Variants in MEGF9 observed in about 807,000 individuals in gnomAD.
The protein encoded by MEGF9 is multiple EGF like domains 9, also known as multiple epidermal growth factor-like domains protein 9.
A neutral mutation model predicts 46.8 loss-of-function variants in MEGF9; 6 were observed. The ratio of observed to expected loss-of-function variants is 0.13; its 90% confidence interval spans 0.07 to 0.25. The LOEUF (loss-of-function observed/expected upper bound fraction) is 0.25, where lower values mean the gene tolerates loss of function less well. Ranked by LOEUF, MEGF9 falls within the 10% of genes least tolerant of loss-of-function variation. MEGF9 has a pLI of 1.00. For missense variants in MEGF9, 683 were observed against 792.4 expected, an observed-to-expected ratio of 0.86 and a Z score of 1.66; for synonymous variants, 302 against 330.7, an observed-to-expected ratio of 0.91 and a Z score of 0.94.
Position 120,713,774 on chromosome 9 carries a change from G to T in MEGF9, c.585C>A (p.Pro195=). The T allele has an allele frequency of 7.7e-7, 1 of 1,293,684 alleles. No individual in the cohort carries two copies. The highest frequency in any genetic ancestry group is 3.1e-5 in the South Asian group (1 of 32,112). 80.1% of individuals were successfully genotyped at this position (1,293,684 alleles called of 1,614,324 possible). Reference sequence around the variant, plus strand: ...CGGACTCACCTGGAGGAGGCGAAGAGGGGGCCTCGGTGGCAGGTGGGGTGG... The same window carrying T: ...CGGACTCACCTGGAGGAGGCGAAGATGGGGCCTCGGTGGCAGGTGGGGTGG... The part of the protein sequence containing the change: ...VLPTPPATEA[P]SSPPPEYVCN... Residue 195 remains proline (P), a synonymous_variant, in exon 1 of 6, where the codon CCC becomes CCA. Coordinates refer to ENST00000373930, the MANE Select transcript of MEGF9 (RefSeq NM_001080497.3).
Position 120,603,879 on chromosome 9 carries a change from T to G in MEGF9, c.*1311A>C, listed in dbSNP as rs1437106161. 6.6e-6 allele frequency: 1 copy of G among 152,566 alleles called. No homozygotes were observed. The highest frequency in any genetic ancestry group is 1.9e-4 in the East Asian group (1 of 5,198). 9.5% of individuals were successfully genotyped at this position (152,566 alleles called of 1,614,324 possible). On this transcript the variant is annotated 3_prime_UTR_variant, in exon 6 of 6. Transcript: ENST00000373930. ...ACAGGCTATGTTCACATGTAGGAGA[T>G]TTTTTATTTGGGGTGAGGGAGGATT...
chr9:120,644,639 C>G (rs1168900926), intron 2 of MEGF9, among the ~76,000 whole-genome samples: 1 of 152,140 alleles, frequency 6.6e-6, no homozygotes, highest in Non-Finnish European at 1.5e-5. Context: ...AATTAAGCCT[C>G]AGTTTCTTCA....
At chr9:120,618,881 G>T (rs2043484982) in intron 3 of MEGF9, among the ~76,000 whole-genome samples, 1 of 149,246 alleles carries the variant, frequency 6.7e-6, no homozygotes, top group African/African-American at 2.5e-5. Flanking sequence ...CCTGGTGACA[G>T]AGCAAGACTC....
chr9:120,640,145 T>C (rs1587981356), intron 2 of MEGF9, among the ~76,000 whole-genome samples: 1 of 152,218 alleles, frequency 6.6e-6, no homozygotes, highest in South Asian at 2.1e-4. Flanking sequence ...TCTGGATATC[T>C]GTGTATATAT....
At chr9:120,620,400 T>C (rs530976273) in intron 3 of MEGF9, among the ~76,000 whole-genome samples, 6 of 152,288 alleles carry the variant, frequency 3.9e-5, no homozygotes, top group South Asian at 4.1e-4. Flanking sequence ...AGTTACTATA[T>C]GCTAAAGCTC....
intron 1 of MEGF9, among the ~76,000 whole-genome samples, chr9:120,675,865 CCG>C (rs2043770792): frequency 7.3e-6 from 1 of 136,616 alleles, no homozygotes. Flanking sequence ...TCCAGCCTGG[CCG>C]ACAGAGCGAG....
chr9:120,621,149 G>A (rs2043497731), intron 3 of MEGF9, among the ~76,000 whole-genome samples: 1 of 152,114 alleles, frequency 6.6e-6, no homozygotes, highest in African/African-American at 2.4e-5. Context: ...CCTAAATGTG[G>A]TTTTCTTTGT....
intron 2 of MEGF9, among the ~76,000 whole-genome samples, chr9:120,657,262 G>A (rs78995814): frequency 0.024 from 3,610 of 152,288 alleles, 153 homozygotes; most frequent in African/African-American, 0.083. Context: ...TAGATTACTA[G>A]TCTAGTGTAC....
intron 1 of MEGF9, among the ~76,000 whole-genome samples, chr9:120,710,197 G>C (rs2043946956): frequency 1.3e-5 from 2 of 151,980 alleles, no homozygotes; most frequent in African/African-American, 4.8e-5. Context: ...GGGAGGCCAA[G>C]GTGGACAGAT....
In MEGF9 at chr9:120,612,391, C is replaced by T. The variant is rs757161830; in HGVS notation, c.1087+5G>A. The stretch of plus-strand genomic sequence containing the variant: ...CTAAAATGAAAAGTTAGAGAAAGGC[C>T]TTACTTATAGAGCAGCTGCCTGTAG... On this transcript the variant is annotated splice_donor_5th_base_variant and intron_variant, in intron 4 of 5. Coordinates refer to ENST00000373930, the MANE Select transcript of MEGF9 (RefSeq NM_001080497.3). The T allele has an allele frequency of 6.2e-7, 1 of 1,600,898 alleles. No homozygotes were observed. Among genetic ancestry groups the T allele is most frequent in the Non-Finnish European group, 8.5e-7 (1 of 1,175,186 alleles).
chr9:120,711,838 CAT>C (rs997678740), intron 1 of MEGF9, among the ~76,000 whole-genome samples: 35 of 102,490 alleles, frequency 3.4e-4, no homozygotes, highest in African/African-American at 1.1e-3. Flanking sequence ...TCTATACATA[CAT>C]ACATACACAC....
intron 2 of MEGF9, among the ~76,000 whole-genome samples, chr9:120,635,786 T>G (rs1011940479): frequency 6.6e-6 from 1 of 152,198 alleles, no homozygotes; most frequent in African/African-American, 2.4e-5. Flanking sequence ...AAAATCATAA[T>G]TTTGAATTCC....
At chr9:120,660,381 T>C (rs749821575) in intron 1 of MEGF9, among the ~76,000 whole-genome samples, 34 of 152,208 alleles carry the variant, frequency 2.2e-4, no homozygotes, top group Non-Finnish European at 4.9e-4. Flanking sequence ...ACCTTAAGCA[T>C]TTATCCTTTG....
At position 120,714,282 on chromosome 9, in the gene MEGF9, G is replaced by A; in HGVS notation, c.77C>T (p.Ala26Val). ...GGLALLCCAA[A>V]AAAAAVASAA... ...TGAGGCGACGGCGGCGGCGGCGGCGGCGGCGGCGCAGCACAACAGGGCGAG... is the reference window on the plus strand; with the variant it reads ...TGAGGCGACGGCGGCGGCGGCGGCGACGGCGGCGCAGCACAACAGGGCGAG... The change falls in exon 1 of 6, where the codon GCC (alanine) becomes GTC (valine). Residue 26 changes from alanine (A) to valine (V), a missense_variant. This residue lies in a region of MEGF9 where 370 missense variants were observed against 371.3 expected (regional missense o/e 1.00). Transcript: ENST00000373930. 1 of 1,260,088 alleles carries A rather than the reference G, an allele frequency of 7.9e-7. No individual in the cohort carries two copies. The highest frequency in any genetic ancestry group is 1.0e-6 in the Non-Finnish European group (1 of 1,003,962). 78.1% of individuals were successfully genotyped at this position (1,260,088 alleles called of 1,614,324 possible). A position where few individuals can be genotyped will look rare whatever the true frequency, so the allele number is the denominator to read the frequency against.
chr9:120,688,194 G>A (rs1483900080), intron 1 of MEGF9, among the ~76,000 whole-genome samples: 1 of 151,012 alleles, frequency 6.6e-6, no homozygotes, highest in Non-Finnish European at 1.5e-5. Flanking sequence ...ACTTCTCTTA[G>A]GGCTTCAGAG....
At chr9:120,614,944 T>C (rs2132300462) in intron 3 of MEGF9, among the ~76,000 whole-genome samples, 1 of 152,062 alleles carries the variant, frequency 6.6e-6, no homozygotes, top group Middle Eastern at 3.4e-3. Context: ...CATATATATA[T>C]GTATATATGT....
chr9:120,634,912 G>GT (rs1435149981), intron 2 of MEGF9, among the ~76,000 whole-genome samples: 3 of 151,970 alleles, frequency 2.0e-5, no homozygotes, highest in Non-Finnish European at 4.4e-5. Flanking sequence ...AACAGTGAAT[G>GT]TTACACTTTT....
intron 1 of MEGF9, among the ~76,000 whole-genome samples, chr9:120,674,137 G>A (rs1052866701): frequency 4.6e-5 from 7 of 152,132 alleles, no homozygotes; most frequent in Non-Finnish European, 1.0e-4. Context: ...AAAGAAAAAT[G>A]TATAAGTTGG....
intron 1 of MEGF9, among the ~76,000 whole-genome samples, chr9:120,671,463 G>A (rs1433442445): frequency 6.6e-6 from 1 of 152,160 alleles, no homozygotes; most frequent in East Asian, 1.9e-4. Flanking sequence ...GAATGAAGGA[G>A]AAGACATCAC....
Sources: allele counts gnomAD v4.1 joint callset (sites outside exome capture counted in the v4.1 genomes callset), GRCh38; gene constraint gnomAD v4.1.1; regional missense constraint gnomAD v4.1.1; transcripts MANE v1.5; gene names NCBI Gene and HGNC (gene_info 2026-07-23, HGNC 2026-07-21).